UNC13C: variants seen among roughly 807,000 people sequenced by gnomAD.
UNC13C encodes the protein unc-13 homolog C.
A neutral mutation model predicts 245.4 loss-of-function variants in UNC13C; 174 were observed. The observed-to-expected ratio is 0.71, with a 90% CI of 0.63 to 0.80. The LOEUF is 0.80. Among genes scored for constraint, UNC13C ranks in the 30% least tolerant of loss-of-function variants. The pLI is 0.00. For synonymous variants in UNC13C, 992 were observed against 895.1 expected, an observed-to-expected ratio of 1.11 and a Z score of -1.93; for missense variants, 2,829 against 2,602.9, an observed-to-expected ratio of 1.09 and a Z score of -1.89.
chr15:53,880,790 A>T, the UNC13C span, among the ~76,000 whole-genome samples: 9 of 151,842 alleles, frequency 5.9e-5, no homozygotes, highest in Non-Finnish European at 1.2e-4. Flanking sequence ...ACAAAATAAG[A>T]TGGCAATTAT....
chr15:54,085,707 A>G (rs1487466134), intron 2 of UNC13C, among the ~76,000 whole-genome samples: 3 of 152,126 alleles, frequency 2.0e-5, no homozygotes, highest in Admixed American at 2.0e-4. Flanking sequence ...TTGGCCTCCC[A>G]AAGTGCCTTT....
intron 14 of UNC13C, among the ~76,000 whole-genome samples, chr15:54,331,504 A>G (rs1283586534): frequency 6.6e-6 from 1 of 151,956 alleles, no homozygotes; most frequent in Non-Finnish European, 1.5e-5. Context: ...AAAGCAATTG[A>G]TCCTTTCAGA....
At position 54,442,250 on chromosome 15, in the gene UNC13C, C is replaced by CTTTTTTT. The variant is rs35414078; in HGVS notation, c.4933+27195_4933+27201dup. Among the ~76,000 whole-genome samples, 8 of 127,410 alleles carry CTTTTTTT rather than the reference C, an allele frequency of 6.3e-5. 2 individuals carry two copies. The highest frequency in any genetic ancestry group is 9.8e-5 in the Non-Finnish European group (6 of 60,966). 83.6% of individuals were successfully genotyped at this position (127,410 alleles called of 152,430 possible). ...GCATCTTTCACCACTTGTTCCAGTT[C>CTTTTTTT]TTTTTTTTTTTTTTTTTTGAGACAG... On this transcript the variant is annotated intron_variant, in intron 19 of 32. Transcript: ENST00000260323.
intron 17 of UNC13C, among the ~76,000 whole-genome samples, chr15:54,382,294 G>T (rs887869840): frequency 2.0e-4 from 31 of 152,122 alleles, no homozygotes; most frequent in African/African-American, 7.5e-4. Flanking sequence ...TAAACAAAAA[G>T]TGAGGCTGGG....
chr15:54,535,405 C>G (rs1895943957), intron 26 of UNC13C, among the ~76,000 whole-genome samples: 2 of 151,934 alleles, frequency 1.3e-5, no homozygotes, highest in African/African-American at 4.8e-5. Flanking sequence ...TAGATAAATA[C>G]ACAATAATAT....
At chr15:54,192,472 T>A (rs1595980983) in intron 4 of UNC13C, among the ~76,000 whole-genome samples, 4 of 152,154 alleles carry the variant, frequency 2.6e-5, no homozygotes, top group African/African-American at 9.7e-5. Flanking sequence ...CCTTTATGTC[T>A]TTCCAGACAA....
At chr15:54,626,761 G>A in intron 32 of UNC13C, 67 bp from the exon 33 acceptor site, 1 of 1,379,564 alleles carries the variant, frequency 7.2e-7, no homozygotes, top group Non-Finnish European at 9.9e-7. Flanking sequence ...AGCAGTATTT[G>A]AGAACCATAA....
the UNC13C span, among the ~76,000 whole-genome samples, chr15:53,964,434 T>C: frequency 1.3e-5 from 2 of 152,192 alleles, no homozygotes; most frequent in East Asian, 1.9e-4. Flanking sequence ...GCTATCCCTA[T>C]GGGTGTCAAC....
intron 18 of UNC13C, among the ~76,000 whole-genome samples, chr15:54,400,306 G>T (rs60029691): frequency 6.6e-6 from 1 of 151,978 alleles, no homozygotes; most frequent in Non-Finnish European, 1.5e-5. Flanking sequence ...CAAATAAGGT[G>T]TTAGCATTGC....
the UNC13C span, among the ~76,000 whole-genome samples, chr15:53,878,239 A>G: frequency 7.9e-5 from 12 of 152,096 alleles, no homozygotes; most frequent in East Asian, 1.9e-4. Flanking sequence ...TGTGATCACT[A>G]TTATCACCTC....
intron 14 of UNC13C, among the ~76,000 whole-genome samples, chr15:54,323,499 T>G (rs1262857943): frequency 6.6e-6 from 1 of 151,978 alleles, no homozygotes; most frequent in Non-Finnish European, 1.5e-5. Context: ...TTCTCAAATT[T>G]AAAATAATGA....
chr15:54,297,878 A>G lies in UNC13C; in HGVS notation c.4056A>G (p.Gly1352=). ...TGAAAATCAATGTGGAGATAAAAGG[A>G]GAAGAGAAGGTTGCTCCATATCATA... ...IRLKINVEIK[G]EEKVAPYHIQ... Residue 1352 remains glycine, a synonymous_variant, in exon 12 of 33, where the codon GGA becomes GGG. Coordinates refer to ENST00000260323, the MANE Select transcript of UNC13C (RefSeq NM_001080534.3). 1 of 1,610,678 alleles carries G rather than the reference A, an allele frequency of 6.2e-7. No individual in the cohort carries two copies.
chr15:53,926,826 G>C, the UNC13C span, among the ~76,000 whole-genome samples: 4 of 152,178 alleles, frequency 2.6e-5, no homozygotes, highest in African/African-American at 9.6e-5. Flanking sequence ...GAAGGGCATG[G>C]GGGAATGGAA....
intron 10 of UNC13C, among the ~76,000 whole-genome samples, chr15:54,271,090 A>C (rs1435970854): frequency 2.0e-5 from 3 of 152,148 alleles, no homozygotes; most frequent in Non-Finnish European, 4.4e-5. Context: ...CTTTAAAACA[A>C]AGAGTTTGAA....
chr15:54,370,305 G>A (rs1381328139), intron 17 of UNC13C, among the ~76,000 whole-genome samples: 1 of 152,090 alleles, frequency 6.6e-6, no homozygotes, highest in Admixed American at 6.6e-5. Flanking sequence ...CAAGGCCCTA[G>A]GAACTGTCTA....
At chr15:54,499,465 C>G (rs1894099595) in intron 20 of UNC13C, among the ~76,000 whole-genome samples, 1 of 152,020 alleles carries the variant, frequency 6.6e-6, no homozygotes, top group Non-Finnish European at 1.5e-5. Flanking sequence ...AGTCCAGAGG[C>G]CAATTCACAT....
the UNC13C span, among the ~76,000 whole-genome samples, chr15:53,922,874 T>A: frequency 1.3e-5 from 2 of 152,170 alleles, no homozygotes; most frequent in Admixed American, 6.6e-5. Flanking sequence ...AGCTGAGAAC[T>A]TTTTTGCTCA....
the UNC13C span, among the ~76,000 whole-genome samples, chr15:53,906,515 T>C: frequency 6.6e-6 from 1 of 152,184 alleles, no homozygotes; most frequent in African/African-American, 2.4e-5. Flanking sequence ...TTCTAATAAA[T>C]GGCCCCTGTC....
Position 54,014,138 on chromosome 15 carries a change from A to G in UNC13C, c.1235A>G (p.Asp412Gly). 6.2e-7 allele frequency: 1 copy of G among 1,613,804 alleles called. No individual in the cohort carries two copies. The highest frequency in any genetic ancestry group is 8.5e-7 in the Non-Finnish European group (1 of 1,179,834). The change falls in exon 2 of 33, where the codon GAC becomes GGC. Residue 412 changes from aspartate (D) to glycine (G), a missense_variant. Transcript: ENST00000260323. ...IGISTDILTH[D>G]IRERKEKGIP... is the part of the protein sequence containing the mutation. The stretch of plus-strand genomic sequence containing the variant: ...ATCTCAACAGATATTCTAACTCATG[A>G]CATCAGAGAAAGAAAAGAGAAAGGG...
Sources: gnomAD v4.1 joint callset for allele counts (sites outside exome capture counted in the v4.1 genomes callset) on GRCh38, gnomAD v4.1.1 for gene constraint, MANE v1.5 for transcripts, NCBI Gene and HGNC (gene_info 2026-07-23, HGNC 2026-07-21) for gene names.